Variants in CBFA2T2 observed in about 807,000 individuals in gnomAD.
CBFA2T2 encodes CBFA2/RUNX1 partner transcriptional co-repressor 2.
Under a neutral mutation model 62.2 loss-of-function variants are expected in CBFA2T2, and 11 were observed. That is an observed-to-expected ratio of 0.18 (90% confidence interval 0.11 to 0.29). CBFA2T2 has a LOEUF of 0.29. Ranked by LOEUF, CBFA2T2 falls within the 10% of genes least tolerant of loss-of-function variation. The probability of loss-of-function intolerance (pLI) is 1.00; values close to 1 mark genes in which losing one functional copy is unlikely to be tolerated. For synonymous variants in CBFA2T2, 295 were observed against 287.5 expected, an observed-to-expected ratio of 1.03 and a Z score of -0.27; for missense variants, 592 against 774.1, an observed-to-expected ratio of 0.76 and a Z score of 2.79.
intron 1 of CBFA2T2, among the ~76,000 whole-genome samples, chr20:33,510,377 A>AT (rs1439963008): frequency 2.0e-5 from 3 of 149,234 alleles, no homozygotes; most frequent in Admixed American, 1.3e-4. Flanking sequence ...CGCCCGGCTA[A>AT]TTTTTTTTGT....
At chr20:33,625,220 C>A (rs1387858199) in intron 6 of CBFA2T2, among the ~76,000 whole-genome samples, 1 of 152,144 alleles carries the variant, frequency 6.6e-6, no homozygotes, top group Non-Finnish European at 1.5e-5. Flanking sequence ...AGAAGTACAG[C>A]TAGGTGTGGT....
chr20:33,497,585 C>G (rs1031593686), intron 1 of CBFA2T2, among the ~76,000 whole-genome samples: 2 of 132,692 alleles, frequency 1.5e-5, no homozygotes, highest in Non-Finnish European at 3.1e-5. Flanking sequence ...GGGTCTCACT[C>G]TGTCGCTAGG....
At chr20:33,514,838 T>C (rs1296926452) in intron 1 of CBFA2T2, among the ~76,000 whole-genome samples, 1 of 151,758 alleles carries the variant, frequency 6.6e-6, no homozygotes, top group Admixed American at 6.6e-5. Flanking sequence ...CTGGGACTAC[T>C]GGTGCCTGCC....
At chr20:33,641,041 T>TC (rs1230205680) in intron 10 of CBFA2T2, among the ~76,000 whole-genome samples, 6 of 150,218 alleles carry the variant, frequency 4.0e-5, no homozygotes, top group Non-Finnish European at 8.9e-5. Flanking sequence ...CACCTAGGCT[T>TC]TTTTTTTTTG....
intron 1 of CBFA2T2, among the ~76,000 whole-genome samples, chr20:33,586,050 C>T (rs1301170908): frequency 6.6e-6 from 1 of 152,152 alleles, no homozygotes; most frequent in African/African-American, 2.4e-5. Flanking sequence ...ATATATCTGT[C>T]TCTAAAAAGG....
intron 1 of CBFA2T2, chr20:33,574,149 G>A: frequency 6.2e-7 from 1 of 1,604,432 alleles, no homozygotes; most frequent in Non-Finnish European, 8.5e-7. Flanking sequence ...AATCCTGACT[G>A]TACCTGTGAT....
intron 1 of CBFA2T2, among the ~76,000 whole-genome samples, chr20:33,511,572 A>G (rs2011512625): frequency 1.3e-5 from 2 of 152,140 alleles, no homozygotes; most frequent in South Asian, 4.1e-4. Flanking sequence ...GAAAAGTAAC[A>G]GAAAAAAGGC....
intron 1 of CBFA2T2, among the ~76,000 whole-genome samples, chr20:33,511,796 A>T (rs1255196296): frequency 6.6e-6 from 1 of 152,166 alleles, no homozygotes; most frequent in Non-Finnish European, 1.5e-5. Flanking sequence ...AGGCAGGAAG[A>T]TCACTTGAGC....
intron 3 of CBFA2T2, among the ~76,000 whole-genome samples, chr20:33,614,983 A>G (rs1233725917): frequency 3.9e-5 from 6 of 152,226 alleles, no homozygotes; most frequent in Non-Finnish European, 8.8e-5. Flanking sequence ...CAGAACCATT[A>G]CAAATAATGT....
intron 1 of CBFA2T2, among the ~76,000 whole-genome samples, chr20:33,598,424 C>G (rs1281458549): frequency 6.6e-6 from 1 of 152,128 alleles, no homozygotes; most frequent in Non-Finnish European, 1.5e-5. Flanking sequence ...AAAAAGAATT[C>G]AGTGATATTT....
intron 1 of CBFA2T2, among the ~76,000 whole-genome samples, chr20:33,519,882 C>T (rs540893585): frequency 6.6e-6 from 1 of 152,106 alleles, no homozygotes; most frequent in Non-Finnish European, 1.5e-5. Context: ...CACGGTGGCT[C>T]ACGCCTGTAA....
At chr20:33,559,077 G>A (rs1358927870) in intron 1 of CBFA2T2, among the ~76,000 whole-genome samples, 1 of 145,410 alleles carries the variant, frequency 6.9e-6, no homozygotes, top group East Asian at 2.0e-4. Flanking sequence ...TGAAAGATAA[G>A]TAATCAATTA....
chr20:33,625,256 TAGAG>T (rs568504007), intron 6 of CBFA2T2, among the ~76,000 whole-genome samples: 1 of 151,956 alleles, frequency 6.6e-6, no homozygotes, highest in Admixed American at 6.6e-5. Context: ...TCCCAGCTCT[TAGAG>T]AGGCTGAGGT....
At chr20:33,498,544 C>T (rs767406135) in intron 1 of CBFA2T2, among the ~76,000 whole-genome samples, 5 of 151,988 alleles carry the variant, frequency 3.3e-5, no homozygotes, top group East Asian at 1.9e-4. Flanking sequence ...TGAGCTACCG[C>T]GCCCAACCTG....
intron 1 of CBFA2T2, among the ~76,000 whole-genome samples, chr20:33,586,577 A>G (rs558596091): frequency 6.6e-6 from 1 of 152,200 alleles, no homozygotes; most frequent in Admixed American, 6.5e-5. Context: ...TTTATATTCT[A>G]TAGCAGATTT....
rs2017072693 is a variant in CBFA2T2 at position 33,646,896 on chromosome 20, CA to C, written c.*2252del. 6.7e-6 allele frequency: 1 copy of C among 149,926 alleles called. No individual in the cohort carries two copies. The highest frequency in any genetic ancestry group is 2.4e-5 in the African/African-American group (1 of 40,854). The allele number at this position is 149,926 out of a possible 1,614,324, so 9.3% of individuals were successfully genotyped here. A position where few individuals can be genotyped will look rare whatever the true frequency, so the allele number is the denominator to read the frequency against. The stretch of plus-strand genomic sequence containing the variant: ...AAAAAAAGGCAAAATTAAAGAATTT[CA>C]AGTCCCTAATTTACTCTAACCAAGC... On this transcript the variant is annotated 3_prime_UTR_variant, in exon 11 of 11. Transcript: ENST00000342704.
At chr20:33,529,087 G>A (rs146863137) in intron 1 of CBFA2T2, among the ~76,000 whole-genome samples, 5 of 151,988 alleles carry the variant, frequency 3.3e-5, no homozygotes, top group African/African-American at 7.3e-5. Flanking sequence ...GTGCAGTGGC[G>A]CAATCTCAGT....
At chr20:33,589,400 C>T (rs759197864) in intron 1 of CBFA2T2, among the ~76,000 whole-genome samples, 11 of 152,114 alleles carry the variant, frequency 7.2e-5, no homozygotes, top group Non-Finnish European at 1.2e-4. Context: ...GATTTAGGCC[C>T]ACAAAATGAT....
At chr20:33,505,468 G>T (rs575178344) in intron 1 of CBFA2T2, among the ~76,000 whole-genome samples, 2 of 151,960 alleles carry the variant, frequency 1.3e-5, no homozygotes, top group Admixed American at 1.3e-4. Context: ...CAAGTTTGCA[G>T]AAAAAAAATG....
Sources: allele counts gnomAD v4.1 joint callset (sites outside exome capture counted in the v4.1 genomes callset), GRCh38; gene constraint gnomAD v4.1.1; transcripts MANE v1.5; gene names NCBI Gene and HGNC (gene_info 2026-07-23, HGNC 2026-07-21).